The following CMIP variants were observed in gnomAD, a reference collection of about 807,000 sequenced individuals.
CMIP encodes c-Maf inducing protein.
CMIP carries 13 observed loss-of-function variants against 97.3 expected under a neutral mutation model. The ratio of observed to expected loss-of-function variants is 0.13; its 90% CI spans 0.09 to 0.21. CMIP has a LOEUF of 0.21. Among genes scored for constraint, CMIP ranks in the 10% least tolerant of loss-of-function variants. The probability of loss-of-function intolerance (pLI) is 1.00; values close to 1 mark genes in which losing one functional copy is unlikely to be tolerated. For synonymous variants in CMIP, 538 were observed against 436.3 expected (o/e 1.23, Z -2.91); for missense variants, 847 against 1,024.9 (o/e 0.83, Z 2.37).
intron 3 of CMIP, among the ~76,000 whole-genome samples, chr16:81,636,804 G>A (rs992027048): frequency 5.9e-5 from 9 of 151,936 alleles, no homozygotes; most frequent in African/African-American, 1.7e-4. Flanking sequence ...AGCCACTTCC[G>A]TCTCCAAAGA....
intron 1 of CMIP, among the ~76,000 whole-genome samples, chr16:81,506,977 G>T (rs1423556439): frequency 6.6e-6 from 1 of 151,780 alleles, no homozygotes; most frequent in Non-Finnish European, 1.5e-5. Context: ...CATCGGCCGG[G>T]CACAGTGGCT....
intron 14 of CMIP, chr16:81,696,889 C>A (rs1906791069): frequency 1.7e-6 from 1 of 582,884 alleles, no homozygotes; most frequent in Middle Eastern, 4.5e-4. Context: ...TTGGCTTTCC[C>A]AGTTGCACTC....
At chr16:81,495,453 C>T (rs1306904677) in intron 1 of CMIP, 5 of 1,611,724 alleles carry the variant, frequency 3.1e-6, no homozygotes, top group Middle Eastern at 1.7e-4. Context: ...AGTTACAGAT[C>T]TCCGCCCTGG....
At chr16:81,704,612 T>C (rs1046100092) in intron 18 of CMIP, among the ~76,000 whole-genome samples, 3 of 2,436 alleles carry the variant, frequency 1.2e-3, no homozygotes, top group South Asian at 0.025. Flanking sequence ...CTCCTCCCTG[T>C]CCCCCTTACT....
At chr16:81,664,464 C>A (rs2092581793) in intron 7 of CMIP, 115 bp downstream of exon 7, 9 of 925,764 alleles carry the variant, frequency 9.7e-6, no homozygotes, top group Non-Finnish European at 1.5e-5. Flanking sequence ...CCCAGCGTGA[C>A]AGCCAGGAAC....
intron 1 of CMIP, among the ~76,000 whole-genome samples, chr16:81,605,795 T>C (rs2091733952): frequency 6.6e-6 from 1 of 152,270 alleles, no homozygotes; most frequent in African/African-American, 2.4e-5. Flanking sequence ...TTTTGTTTGT[T>C]GTCTGTTTGC....
At chr16:81,677,522 G>A (rs1904396186) in intron 9 of CMIP, among the ~76,000 whole-genome samples, 1 of 152,208 alleles carries the variant, frequency 6.6e-6, no homozygotes. Flanking sequence ...ACGTTGGGAA[G>A]CAGTCAGAGG....
chr16:81,492,885 GGA>G (rs527905967), intron 1 of CMIP, among the ~76,000 whole-genome samples: 12 of 152,148 alleles, frequency 7.9e-5, no homozygotes, highest in Admixed American at 3.3e-4. Flanking sequence ...GGGGTACGTG[GGA>G]GAGAGAGACC....
intron 1 of CMIP, among the ~76,000 whole-genome samples, chr16:81,520,919 G>T (rs1345939235): frequency 6.6e-6 from 1 of 151,970 alleles, no homozygotes; most frequent in African/African-American, 2.4e-5. Flanking sequence ...GCTGTCGTGA[G>T]TGTGTGGCTA....
rs565999214 is a variant in CMIP at position 81,585,266 on chromosome 16, C to G, written c.301-22301C>G. Among the ~76,000 whole-genome samples, 159 of 152,320 alleles carry G rather than the reference C, an allele frequency of 1.0e-3. 1 individual carries two copies. Among genetic ancestry groups the G allele is most frequent in the African/African-American group, 3.1e-3 (127 of 41,568 alleles). On this transcript the variant is annotated intron_variant, in intron 1 of 20. Transcript: ENST00000537098. The stretch of plus-strand genomic sequence containing the variant: ...CTGAGGCAGGAGAATTGTTTGAACT[C>G]AGGAGTTGAGGTTGCAGTGAGCCGA...
intron 1 of CMIP, among the ~76,000 whole-genome samples, chr16:81,452,120 C>G (rs768972281): frequency 1.4e-4 from 21 of 152,182 alleles, no homozygotes; most frequent in South Asian, 6.2e-4. Context: ...TTACCCCTCC[C>G]ATGTGCACAG....
At chr16:81,534,243 T>C (rs952099057) in intron 1 of CMIP, among the ~76,000 whole-genome samples, 3 of 152,246 alleles carry the variant, frequency 2.0e-5, no homozygotes, top group African/African-American at 7.2e-5. Flanking sequence ...TTGTGAATGT[T>C]GCCCAGTGGC....
chr16:81,566,855 A>G (rs768047369), intron 1 of CMIP, among the ~76,000 whole-genome samples: 5 of 152,234 alleles, frequency 3.3e-5, no homozygotes, highest in South Asian at 2.1e-4. Context: ...TCTCACAGAT[A>G]TTATGTTGAA....
intron 19 of CMIP, among the ~76,000 whole-genome samples, chr16:81,706,743 G>GT (rs1380918748): frequency 6.6e-6 from 1 of 152,202 alleles, no homozygotes; most frequent in Non-Finnish European, 1.5e-5. Flanking sequence ...GGTCCAGGCA[G>GT]TGGGGGCACA....
In CMIP at chr16:81,594,638, G is replaced by A. The variant is rs113121353; in HGVS notation, c.301-12929G>A. On this transcript the variant is annotated intron_variant, in intron 1 of 20. Transcript: ENST00000537098. ...TGTTTTTGTTTTTGTTTTTGAGACG[G>A]AGTCTCGCTCTGTTCCCCAGGCTGG... Among the ~76,000 whole-genome samples, 415 of 152,140 alleles carry A rather than the reference G, an allele frequency of 2.7e-3. 2 individuals carry two copies. The highest frequency in any genetic ancestry group is 9.6e-3 in the African/African-American group (399 of 41,490).
intron 1 of CMIP, among the ~76,000 whole-genome samples, chr16:81,582,826 A>G (rs970150775): frequency 6.6e-6 from 1 of 152,198 alleles, no homozygotes; most frequent in Non-Finnish European, 1.5e-5. Context: ...GCCCAACAGC[A>G]CAAAGTCGGC....
chr16:81,452,885 G>GTTTTTTTTTTTTTTTTTTTT (rs558606255), intron 1 of CMIP, among the ~76,000 whole-genome samples: 3 of 129,242 alleles, frequency 2.3e-5, no homozygotes, highest in Non-Finnish European at 3.3e-5. Context: ...TTTTTGTTTT[G>GTTTTTTTTTTTTTTTTTTTT]TTTTTTTTTT....
chr16:81,696,359 G>A, intron 13 of CMIP: 1 of 625,784 alleles, frequency 1.6e-6, no homozygotes, highest in Non-Finnish European at 2.9e-6. Flanking sequence ...AGTCCCCTGG[G>A]GTGTGGGGGC....
intron 1 of CMIP, among the ~76,000 whole-genome samples, chr16:81,517,200 C>G (rs142464958): frequency 2.0e-5 from 3 of 149,406 alleles, no homozygotes; most frequent in African/African-American, 7.5e-5. Flanking sequence ...AATCAGACAG[C>G]TTTCAAGGTC....
Sources: gnomAD v4.1 joint callset for allele counts (sites outside exome capture counted in the v4.1 genomes callset) on GRCh38, gnomAD v4.1.1 for gene constraint, MANE v1.5 for transcripts, NCBI Gene and HGNC (gene_info 2026-07-23, HGNC 2026-07-21) for gene names.